SLAMF6: variants seen among roughly 807,000 people sequenced by gnomAD.
The protein encoded by SLAMF6 is SLAM family member 6.
Under a neutral mutation model 38.3 loss-of-function variants are expected in SLAMF6, and 21 were observed. The ratio of observed to expected loss-of-function variants is 0.55; its 90% CI spans 0.39 to 0.79. The LOEUF (loss-of-function observed/expected upper bound fraction) is 0.79. Ranked by LOEUF, SLAMF6 falls within the 30% of genes least tolerant of loss-of-function variation. The pLI, the probability that SLAMF6 is intolerant of heterozygous loss-of-function variation, is 0.00. For missense variants in SLAMF6, 341 were observed against 385.3 expected (o/e 0.89, Z 0.96); for synonymous variants, 152 against 146.3 (o/e 1.04, Z -0.28).
chr1:160,513,791 AT>A (rs1654611796), intron 1 of SLAMF6, among the ~76,000 whole-genome samples: 1 of 152,140 alleles, frequency 6.6e-6, no homozygotes, highest in Non-Finnish European at 1.5e-5. Context: ...GAAATAAAAT[AT>A]TTTTCAGACA....
rs1238706779 is a variant in SLAMF6, at chr1:160,491,401, A to G, written c.383-13T>C. ...TTCCTCAGTTGTCCTGTTTGCAGAAAAAAAAAAGATCCAGATTAAGGACAA... is the reference window on the plus strand; with the variant it reads ...TTCCTCAGTTGTCCTGTTTGCAGAAGAAAAAAAGATCCAGATTAAGGACAA... On this transcript the variant is annotated splice_polypyrimidine_tract_variant and intron_variant, in intron 2 of 7. Transcript: ENST00000368057. 3 of 1,600,514 alleles carry G rather than the reference A, an allele frequency of 1.9e-6. No individual in the cohort carries two copies. The highest frequency in any genetic ancestry group is 1.3e-5 in the African/African-American group (1 of 74,208).
chr1:160,497,115 A>G (rs1287006910), intron 1 of SLAMF6, among the ~76,000 whole-genome samples: 1 of 152,044 alleles, frequency 6.6e-6, no homozygotes, highest in Non-Finnish European at 1.5e-5. Flanking sequence ...TTTTTTTTTA[A>G]TTCTCTCAGA....
At chr1:160,517,802 G>C (rs556953359) in intron 1 of SLAMF6, among the ~76,000 whole-genome samples, 1 of 152,106 alleles carries the variant, frequency 6.6e-6, no homozygotes, top group Non-Finnish European at 1.5e-5. Flanking sequence ...GAGCTGAACA[G>C]TGAGAACACA....
intron 1 of SLAMF6, among the ~76,000 whole-genome samples, chr1:160,502,132 C>T (rs1653935223): frequency 6.6e-6 from 1 of 152,146 alleles, no homozygotes; most frequent in South Asian, 2.1e-4. Context: ...AACACTGATG[C>T]TTTGGGAGCA....
chr1:160,493,156 T>G (rs1278761853), intron 2 of SLAMF6, among the ~76,000 whole-genome samples: 1 of 152,202 alleles, frequency 6.6e-6, no homozygotes, highest in Non-Finnish European at 1.5e-5. Context: ...CCTGTTTCCT[T>G]TCTGGCCTCA....
At chr1:160,489,465 C>A (rs572638948) in intron 5 of SLAMF6, among the ~76,000 whole-genome samples, 1 of 152,122 alleles carries the variant, frequency 6.6e-6, no homozygotes, top group African/African-American at 2.4e-5. Context: ...GACCAAATAG[C>A]CCTGCCTATG....
Position 160,490,205 on chromosome 1 carries a change from C to T in SLAMF6, c.789G>A (p.Gln263=), listed in dbSNP as rs1197887163. Residue 263 remains glutamine (Q), a synonymous_variant, in exon 5 of 8, where the codon CAG becomes CAA. Transcript: ENST00000368057. ...AAGAGTCTGAATGCTCACCGGGGCC[C>T]TGTGTTCGCTGAGTAGACAAAGATA... ...DSLSLSTQRT[Q]GPAESARNLE... 3 of 1,613,814 alleles carry T rather than the reference C, an allele frequency of 1.9e-6. No individual in the cohort carries two copies. The highest frequency in any genetic ancestry group is 2.7e-5 in the African/African-American group (2 of 75,018).
intron 2 of SLAMF6, among the ~76,000 whole-genome samples, chr1:160,493,531 G>A (rs1195298665): frequency 3.3e-5 from 5 of 152,148 alleles, no homozygotes; most frequent in Non-Finnish European, 7.4e-5. Context: ...TCTGCTCCAT[G>A]AGGACAGTGA....
At chr1:160,516,546 G>C (rs1216811153) in intron 1 of SLAMF6, among the ~76,000 whole-genome samples, 1 of 152,036 alleles carries the variant, frequency 6.6e-6, no homozygotes, top group Non-Finnish European at 1.5e-5. Context: ...ATATAGCCAA[G>C]ACAATCCTAA....
At chr1:160,497,950 T>C (rs766243908) in intron 1 of SLAMF6, among the ~76,000 whole-genome samples, 1 of 152,176 alleles carries the variant, frequency 6.6e-6, no homozygotes, top group Non-Finnish European at 1.5e-5. Flanking sequence ...TACAAGTGCA[T>C]GTGTCTTTTT....
chr1:160,505,721 C>T (rs113012693), intron 1 of SLAMF6, among the ~76,000 whole-genome samples: 3,228 of 151,822 alleles, frequency 0.021, 113 homozygotes, highest in African/African-American at 0.074. Flanking sequence ...CTTAAATATG[C>T]TCAAAAAGCT....
intron 1 of SLAMF6, among the ~76,000 whole-genome samples, chr1:160,498,168 CTTTTAATAATAG>C (rs1360611496): frequency 2.3e-4 from 35 of 151,692 alleles, no homozygotes; most frequent in African/African-American, 8.5e-4. Flanking sequence ...TATTTTTTGA[CTTTTAATAATAG>C]ACATTCTGAA....
intron 1 of SLAMF6, among the ~76,000 whole-genome samples, chr1:160,519,850 G>A (rs1654908609): frequency 6.6e-6 from 1 of 152,062 alleles, no homozygotes; most frequent in South Asian, 2.1e-4. Context: ...TTGGGGTGAT[G>A]AAAATGTTTT....
rs373925914 is a variant in SLAMF6 at position 160,496,161 on chromosome 1, C to T, written c.282G>A (p.Leu94=). 3 of 1,613,822 alleles carry T rather than the reference C, an allele frequency of 1.9e-6. No homozygotes were observed. The African/African-American group carries it at 4.0e-5, about 22-fold the overall frequency. The change falls in exon 2 of 8, where the codon CTG becomes CTA. Residue 94 remains leucine (L), a synonymous_variant. Transcript: ENST00000368057. ...CTTCCATCTTCAGGTTGCTGAGTTGCAGGGAGTAGGACTGGGTGAAGTTCA... is the reference window on the plus strand; with the variant it reads ...CTTCCATCTTCAGGTTGCTGAGTTGTAGGGAGTAGGACTGGGTGAAGTTCA... The part of the protein sequence containing the change: ...KRLNFTQSYS[L]QLSNLKMEDT...
At chr1:160,516,472 T>C (rs1347473189) in intron 1 of SLAMF6, among the ~76,000 whole-genome samples, 7 of 152,134 alleles carry the variant, frequency 4.6e-5, no homozygotes, top group African/African-American at 1.2e-4. Flanking sequence ...TAAACTATCA[T>C]TGACATTTTT....
intron 1 of SLAMF6, among the ~76,000 whole-genome samples, chr1:160,510,667 A>C (rs1189764123): frequency 6.6e-6 from 1 of 152,216 alleles, no homozygotes; most frequent in Non-Finnish European, 1.5e-5. Context: ...CTTTCAAATA[A>C]CAGCATGAAA....
chr1:160,495,732 T>C (rs921473560), intron 2 of SLAMF6, among the ~76,000 whole-genome samples: 2 of 152,104 alleles, frequency 1.3e-5, no homozygotes, highest in Non-Finnish European at 2.9e-5. Context: ...CCTCATGGAG[T>C]CTTTGTGAGA....
At chr1:160,488,241 T>C (rs1181485120) in intron 6 of SLAMF6, among the ~76,000 whole-genome samples, 1 of 152,044 alleles carries the variant, frequency 6.6e-6, no homozygotes, top group Admixed American at 6.6e-5. Context: ...AGAGTGTGAG[T>C]TGACTTGTTT....
chr1:160,516,288 C>T (rs1444230716), intron 1 of SLAMF6, among the ~76,000 whole-genome samples: 1 of 152,058 alleles, frequency 6.6e-6, no homozygotes, highest in East Asian at 1.9e-4. Flanking sequence ...AGGAATACAG[C>T]TAACAAAGGA....
Sources: gnomAD v4.1 joint callset for allele counts (sites outside exome capture counted in the v4.1 genomes callset) on GRCh38, gnomAD v4.1.1 for gene constraint, MANE v1.5 for transcripts, NCBI Gene and HGNC (gene_info 2026-07-23, HGNC 2026-07-21) for gene names.